The following KIAA0040 variants were observed in gnomAD, a reference collection of about 807,000 sequenced individuals.
The protein encoded by KIAA0040 is KIAA0040.
Under a neutral mutation model 7.2 loss-of-function variants are expected in KIAA0040, and 10 were observed. That is an observed-to-expected ratio of 1.38 (90% CI 0.85 to 2.34). The LOEUF (loss-of-function observed/expected upper bound fraction) is 2.34. Among genes scored for constraint, KIAA0040 ranks in the 30% most tolerant of loss-of-function variants. The probability of loss-of-function intolerance (pLI) is 0.00; values close to 1 mark genes in which losing one functional copy is unlikely to be tolerated. For synonymous variants in KIAA0040, 49 were observed against 40.1 expected (o/e 1.22, Z -0.84); for missense variants, 89 against 108.2 (o/e 0.82, Z 0.79).
rs1676314930 is a variant in KIAA0040, at chr1:175,157,298, G to A, written c.*3416C>T. On this transcript the variant is annotated 3_prime_UTR_variant, in exon 4 of 4. Transcript: ENST00000423313. ...CAAGGAACATCAGTATATTTTTCCT[G>A]TAGCTGGCACCTTTGAGGGAGTCTG... is the stretch of plus-strand genomic sequence containing the variant. The A allele has an allele frequency of 2.0e-5, 3 of 152,198 alleles. No homozygotes were observed. The highest frequency in any genetic ancestry group is 7.2e-5 in the African/African-American group (3 of 41,446). The allele number at this position is 152,198 out of a possible 1,614,324, so 9.4% of individuals were successfully genotyped here.
chr1:175,190,265 G>A (rs544499129), intron 1 of KIAA0040, among the ~76,000 whole-genome samples: 2 of 152,254 alleles, frequency 1.3e-5, no homozygotes, highest in African/African-American at 2.4e-5. Context: ...TTGAGCGTTC[G>A]GAGAAAGTCA....
intron 2 of KIAA0040, among the ~76,000 whole-genome samples, chr1:175,168,220 G>A (rs1676848436): frequency 6.6e-6 from 1 of 152,172 alleles, no homozygotes; most frequent in African/African-American, 2.4e-5. Context: ...ATAGAGGTAA[G>A]TACTGTTTTG....
chr1:175,178,608 G>A (rs1571207679), intron 1 of KIAA0040, among the ~76,000 whole-genome samples: 1 of 152,180 alleles, frequency 6.6e-6, no homozygotes, highest in East Asian at 1.9e-4. Flanking sequence ...AAAAAGAAGT[G>A]TACCAACTGG....
intron 2 of KIAA0040, among the ~76,000 whole-genome samples, chr1:175,175,752 C>A (rs1677160048): frequency 6.6e-6 from 1 of 152,174 alleles, no homozygotes; most frequent in African/African-American, 2.4e-5. Context: ...TGGAAACCAT[C>A]ATTCTCAGCA....
Position 175,159,338 on chromosome 1 carries a change from T to G in KIAA0040, c.*1376A>C, listed in dbSNP as rs998560819. ...GTCACCTACATGTGCTCTCCAGCAT[T>G]AAACACCCAATTTCATCCATTGCAG... On this transcript the variant is annotated 3_prime_UTR_variant, in exon 4 of 4. Transcript: ENST00000423313. 6.6e-6 allele frequency: 1 copy of G among 152,208 alleles called. No individual in the cohort carries two copies. Among genetic ancestry groups the G allele is most frequent in the Admixed American group, 6.5e-5 (1 of 15,276 alleles). 9.4% of individuals were successfully genotyped at this position (152,208 alleles called of 1,614,324 possible).
intron 2 of KIAA0040, among the ~76,000 whole-genome samples, chr1:175,173,199 T>C (rs1420765596): frequency 6.6e-6 from 1 of 152,212 alleles, no homozygotes; most frequent in Non-Finnish European, 1.5e-5. Flanking sequence ...ATCAATTTTC[T>C]CCTCTTCACT....
intron 2 of KIAA0040, among the ~76,000 whole-genome samples, chr1:175,173,147 C>A (rs561184817): frequency 7.2e-5 from 11 of 152,284 alleles, no homozygotes; most frequent in Admixed American, 2.0e-4. Flanking sequence ...TCCTGACCTC[C>A]AGGATCGCAT....
chr1:175,185,458 G>T lies in KIAA0040; in HGVS notation c.-384+7182C>A, dbSNP rs577699883. ...CTATCTCAAGCATCCAAATAATCCCGAATCTCTAGGGCAACGAGAGGTAGT... is the reference window on the plus strand; with the variant it reads ...CTATCTCAAGCATCCAAATAATCCCTAATCTCTAGGGCAACGAGAGGTAGT... On this transcript the variant is annotated intron_variant, in intron 1 of 3. Transcript: ENST00000423313. Among the ~76,000 whole-genome samples, 136 of 152,246 alleles carry T rather than the reference G, an allele frequency of 8.9e-4. 2 individuals carry two copies. The highest frequency in any genetic ancestry group is 3.3e-3 in the African/African-American group (135 of 41,536).
At chr1:175,171,626 A>C (rs1022651108) in intron 2 of KIAA0040, among the ~76,000 whole-genome samples, 9 of 152,128 alleles carry the variant, frequency 5.9e-5, no homozygotes, top group South Asian at 2.1e-4. Context: ...AACTCACTGG[A>C]GGGAGAAATA....
chr1:175,188,647 A>T (rs1677754593), intron 1 of KIAA0040, among the ~76,000 whole-genome samples: 1 of 152,144 alleles, frequency 6.6e-6, no homozygotes, highest in African/African-American at 2.4e-5. Flanking sequence ...CACTAAAAGG[A>T]TTTTAGTTAA....
intron 2 of KIAA0040, chr1:175,176,552 T>C (rs1677195603): frequency 6.6e-6 from 1 of 152,254 alleles, no homozygotes; most frequent in African/African-American, 2.4e-5. Flanking sequence ...ATTCCTAATG[T>C]TGCAGGGAGT....
chr1:175,166,072 G>T (rs112865678), intron 3 of KIAA0040, among the ~76,000 whole-genome samples: 24 of 152,206 alleles, frequency 1.6e-4, no homozygotes, highest in African/African-American at 4.8e-4. Context: ...CTTCTTGTAG[G>T]GGGAGGTGGG....
chr1:175,174,303 G>A (rs1473981313), intron 2 of KIAA0040, among the ~76,000 whole-genome samples: 1 of 152,194 alleles, frequency 6.6e-6, no homozygotes, highest in Non-Finnish European at 1.5e-5. Context: ...CAAATGATAA[G>A]GATGAGGGAT....
At chr1:175,190,124 C>A (rs1299366267) in intron 1 of KIAA0040, among the ~76,000 whole-genome samples, 1 of 152,180 alleles carries the variant, frequency 6.6e-6, no homozygotes, top group Non-Finnish European at 1.5e-5. Flanking sequence ...ACAGATCTTA[C>A]AACTGAACTA....
chr1:175,170,520 T>C (rs1676946305), intron 2 of KIAA0040, among the ~76,000 whole-genome samples: 1 of 152,116 alleles, frequency 6.6e-6, no homozygotes, highest in South Asian at 2.1e-4. Context: ...CTCACCTTCC[T>C]CCACCACCCC....
Position 175,160,561 on chromosome 1 carries a change from C to T in KIAA0040, c.*153G>A. The T allele has an allele frequency of 1.3e-6, 1 of 750,004 alleles. No individual in the cohort carries two copies. The highest frequency in any genetic ancestry group is 2.1e-6 in the Non-Finnish European group (1 of 475,872). 46.5% of individuals were successfully genotyped at this position (750,004 alleles called of 1,614,324 possible). On this transcript the variant is annotated 3_prime_UTR_variant, in exon 4 of 4. Transcript: ENST00000423313. ...CCACGTGGTCCCTGGGACTGCCCTC[C>T]ACTGGGACACTTAGTCTGAGGTTTG... is the stretch of plus-strand genomic sequence containing the variant.
intron 2 of KIAA0040, among the ~76,000 whole-genome samples, chr1:175,168,112 G>A (rs918905117): frequency 6.6e-6 from 1 of 152,156 alleles, no homozygotes; most frequent in Non-Finnish European, 1.5e-5. Flanking sequence ...AGGGCACAGA[G>A]TGGAACCTCA....
intron 2 of KIAA0040, among the ~76,000 whole-genome samples, chr1:175,174,665 C>T (rs1677110633): frequency 1.3e-5 from 2 of 152,196 alleles, no homozygotes; most frequent in African/African-American, 4.8e-5. Flanking sequence ...CTGAGCTTCT[C>T]TTACTGATGC....
At chr1:175,187,128 T>C (rs1381776496) in intron 1 of KIAA0040, among the ~76,000 whole-genome samples, 3 of 152,230 alleles carry the variant, frequency 2.0e-5, no homozygotes, top group Non-Finnish European at 2.9e-5. Context: ...CTTATTCTCT[T>C]TTGTTATTGA....
Sources: gnomAD v4.1 joint callset for allele counts (sites outside exome capture counted in the v4.1 genomes callset) on GRCh38, gnomAD v4.1.1 for gene constraint, MANE v1.5 for transcripts, NCBI Gene and HGNC (gene_info 2026-07-23, HGNC 2026-07-21) for gene names.